The following DNAH9 variants were observed in gnomAD, a reference collection of about 807,000 sequenced individuals.
DNAH9 encodes dynein axonemal heavy chain 9, also known as DNAH9 variant protein.
In DNAH9, 345 loss-of-function variants were observed where a neutral mutation model predicts 471.6. The observed-to-expected ratio is 0.73, with a 90% CI of 0.67 to 0.80. DNAH9 has a LOEUF of 0.80. DNAH9 is among the 30% of genes least tolerant of loss of function. DNAH9 has a pLI of 0.00. For missense variants in DNAH9, 5,407 were observed against 5,609.2 expected (o/e 0.96, Z 1.15); for synonymous variants, 2,093 against 2,123.6 (o/e 0.99, Z 0.40).
chr17:11,930,928 G>A (rs1235028834), intron 63 of DNAH9, among the ~76,000 whole-genome samples: 1 of 152,200 alleles, frequency 6.6e-6, no homozygotes, highest in Non-Finnish European at 1.5e-5. Flanking sequence ...TTCAAATGCA[G>A]ACCACTACGT....
chr17:11,866,916 C>T (rs1972077322), intron 50 of DNAH9, among the ~76,000 whole-genome samples: 1 of 152,208 alleles, frequency 6.6e-6, no homozygotes, highest in Non-Finnish European at 1.5e-5. Flanking sequence ...TTCCAGGTGC[C>T]ATCTGTCACC....
At chr17:11,868,438 TA>T (rs1972140419) in intron 50 of DNAH9, among the ~76,000 whole-genome samples, 1 of 152,200 alleles carries the variant, frequency 6.6e-6, no homozygotes, top group Non-Finnish European at 1.5e-5. Context: ...CAACAAAAGC[TA>T]CGTACTTCAA....
At position 11,784,405 on chromosome 17, in the gene DNAH9, T is replaced by G. The variant is rs779951110; in HGVS notation, c.7927T>G (p.Ser2643Ala). 1.2e-6 allele frequency: 2 copies of G among 1,614,156 alleles called. No individual in the cohort carries two copies. The highest frequency in any genetic ancestry group is 1.7e-6 in the Non-Finnish European group (2 of 1,180,028). Residue 2643 changes from serine to alanine, a missense_variant, in exon 41 of 69, where the codon TCC (serine) becomes GCC (alanine). Ser to Ala is a moderately conservative substitution (Grantham distance 99). Around this residue, in one of 3 missense-constraint regions of DNAH9, gnomAD observed 4,636 missense variants for 4,900.3 expected, o/e 0.95. Coordinates refer to ENST00000262442, the MANE Select transcript of DNAH9 (RefSeq NM_001372.4). ...TCTGAAGCTCGGAAACTTCCCGGCGTCCCTGCAGAAATCCATCCCCCCACT... is the reference window on the plus strand; with the variant it reads ...TCTGAAGCTCGGAAACTTCCCGGCGGCCCTGCAGAAATCCATCCCCCCACT... The part of the protein sequence containing the change: ...QHLKLGNFPA[S>A]LQKSIPPLID...
At chr17:11,889,759 C>G (rs1298728734) in intron 57 of DNAH9, among the ~76,000 whole-genome samples, 2 of 152,128 alleles carry the variant, frequency 1.3e-5, no homozygotes, top group Non-Finnish European at 2.9e-5. Flanking sequence ...GTGCTCATAA[C>G]CTGGTAAAAA....
At chr17:11,661,406 A>G (rs2073760113) in intron 14 of DNAH9, among the ~76,000 whole-genome samples, 1 of 152,170 alleles carries the variant, frequency 6.6e-6, no homozygotes, top group Non-Finnish European at 1.5e-5. Flanking sequence ...GAATGCATAG[A>G]CTGTTTACAT....
chr17:11,891,789 G>C lies in DNAH9; in HGVS notation c.11125G>C (p.Val3709Leu). The change falls in exon 58 of 69, where the codon GTC (valine) becomes CTC (leucine). Residue 3709 changes from valine to leucine, a missense_variant. Val to Leu is a conservative substitution (Grantham distance 32). Transcript: ENST00000262442. ...CTTCTGTCCCCAGGCCTTCAGTATC[G>C]TCTTCCAGAAGGCTGTGGAGAGGGC... ...YQFSLKAFSI[V>L]FQKAVERAAP... 1 of 1,614,052 alleles carries C rather than the reference G, an allele frequency of 6.2e-7. No individual in the cohort carries two copies. Among genetic ancestry groups the C allele is most frequent in the Non-Finnish European group, 8.5e-7 (1 of 1,179,994 alleles).
chr17:11,662,617 T>C (rs1388715342), intron 14 of DNAH9, among the ~76,000 whole-genome samples: 2 of 152,032 alleles, frequency 1.3e-5, no homozygotes, highest in East Asian at 3.9e-4. Flanking sequence ...TTTTTTATTA[T>C]GTGCTAGACA....
Position 11,669,404 on chromosome 17 carries a change from T to G in DNAH9, c.2963T>G (p.Met988Arg). Residue 988 changes from methionine to arginine, a missense_variant, in exon 17 of 69, where the codon ATG (methionine) becomes AGG (arginine). By Grantham distance (91) the Met-to-Arg change is moderately conservative. Coordinates refer to ENST00000262442, the MANE Select transcript of DNAH9 (RefSeq NM_001372.4). The stretch of plus-strand genomic sequence containing the variant: ...GACGGTATACCAGATTTGGCAAACA[T>G]GCGGCGCACACTCATGGAGAGAGTC... Reference protein sequence around the residue: ...DLDGIPDLANMRRTLMERVQR... With the variant: ...DLDGIPDLANRRRTLMERVQR... The G allele has an allele frequency of 1.2e-6, 2 of 1,613,696 alleles. No homozygotes were observed. The highest frequency in any genetic ancestry group is 1.7e-6 in the Non-Finnish European group (2 of 1,179,828).
intron 43 of DNAH9, among the ~76,000 whole-genome samples, chr17:11,802,667 G>T (rs1463445783): frequency 6.8e-6 from 1 of 147,496 alleles, no homozygotes; most frequent in Non-Finnish European, 1.5e-5. Context: ...AAAAAAAGTG[G>T]GAGTAGGACA....
At chr17:11,931,516 G>T (rs886844710) in intron 63 of DNAH9, among the ~76,000 whole-genome samples, 1 of 152,142 alleles carries the variant, frequency 6.6e-6, no homozygotes, top group East Asian at 1.9e-4. Flanking sequence ...AACTCTGGGC[G>T]GGAAGCTTCC....
intron 15 of DNAH9, among the ~76,000 whole-genome samples, chr17:11,666,430 A>G (rs2073869348): frequency 6.6e-6 from 1 of 152,192 alleles, no homozygotes; most frequent in Non-Finnish European, 1.5e-5. Flanking sequence ...TGGAGAGAAG[A>G]GATGGCAGTC....
At chr17:11,701,982 AT>A (rs1423186356) in intron 24 of DNAH9, among the ~76,000 whole-genome samples, 1 of 152,170 alleles carries the variant, frequency 6.6e-6, no homozygotes, top group Non-Finnish European at 1.5e-5. Flanking sequence ...GCGCCCGGCC[AT>A]GACAGGTGTT....
In DNAH9 at chr17:11,886,901, C is replaced by CA. The variant is rs1972897286; in HGVS notation, c.11049dup (p.Leu3684ThrfsTer37). On this transcript the variant is annotated frameshift_variant, in exon 57 of 69. Transcript: ENST00000262442. LOFTEE classifies it high-confidence loss of function. ...TACCGGCCAGCAGCTGCCAGGGCCT[C>CA]ACTGCTCTACTTCATCATGAACGAC... 6.2e-7 allele frequency: 1 copy of CA among 1,612,924 alleles called. No homozygotes were observed. Among genetic ancestry groups the CA allele is most frequent in the East Asian group, 2.2e-5 (1 of 44,864 alleles).
intron 68 of DNAH9, among the ~76,000 whole-genome samples, chr17:11,967,291 G>C (rs993249526): frequency 6.6e-6 from 1 of 151,916 alleles, no homozygotes; most frequent in Admixed American, 6.6e-5. Context: ...AATTTTAATA[G>C]AGATGAGTTC....
rs180931437 is a variant in DNAH9, at chr17:11,710,212, C to T, written c.5552+5027C>T. ...ATATTCTCTAAATATTTTTCTAAAA[C>T]ACTCTAATGGCTGAATTATAGTCTA... On this transcript the variant is annotated intron_variant, in intron 26 of 68. Transcript: ENST00000262442. Among the ~76,000 whole-genome samples the T allele has an allele frequency of 7.2e-4, 110 of 152,158 alleles. 1 individual carries two copies. The highest frequency in any genetic ancestry group is 6.9e-3 in the Admixed American group (105 of 15,262).
chr17:11,798,708 C>G (rs899780612), intron 43 of DNAH9, among the ~76,000 whole-genome samples: 6 of 152,038 alleles, frequency 3.9e-5, no homozygotes, highest in Non-Finnish European at 8.8e-5. Flanking sequence ...ACGGTCTTAG[C>G]AACAATATCT....
intron 61 of DNAH9, among the ~76,000 whole-genome samples, chr17:11,912,321 C>T (rs989593948): frequency 6.6e-6 from 1 of 152,030 alleles, no homozygotes; most frequent in African/African-American, 2.4e-5. Context: ...GCCTAATTAC[C>T]CTGGCTAGAA....
chr17:11,953,084 C>T (rs554521974), intron 67 of DNAH9, among the ~76,000 whole-genome samples: 10 of 152,302 alleles, frequency 6.6e-5, no homozygotes, highest in East Asian at 1.9e-4. Flanking sequence ...ATCCTTATGA[C>T]GTCACTTAAC....
chr17:11,933,876 T>C lies in DNAH9; in HGVS notation c.12298-4T>C. The C allele has an allele frequency of 6.2e-7, 1 of 1,608,132 alleles. No homozygotes were observed. Among genetic ancestry groups the C allele is most frequent in the Non-Finnish European group, 8.5e-7 (1 of 1,176,328 alleles). ...TTCCTCTCTTTCTTTCCCCCATCAC[T>C]CAGGTCCCCTATGATGATTTGCGCT... On this transcript the variant is annotated splice_region_variant and splice_polypyrimidine_tract_variant and intron_variant, in intron 64 of 68. Coordinates refer to ENST00000262442, the MANE Select transcript of DNAH9 (RefSeq NM_001372.4).
Sources: gnomAD v4.1 joint callset for allele counts (sites outside exome capture counted in the v4.1 genomes callset) on GRCh38, gnomAD v4.1.1 for gene constraint, gnomAD v4.1.1 regional missense constraint, MANE v1.5 for transcripts, NCBI Gene and HGNC (gene_info 2026-07-23, HGNC 2026-07-21) for gene names.